Variants in SRGAP3 observed in about 807,000 individuals in gnomAD.
SRGAP3 encodes SLIT-ROBO Rho GTPase activating protein 3, also known as SLIT-ROBO Rho GTPase-activating protein 3.
A neutral mutation model predicts 121.1 loss-of-function variants in SRGAP3; 39 were observed. That is an observed-to-expected ratio of 0.32 (90% CI 0.25 to 0.42). The LOEUF is 0.42. SRGAP3 is among the 10% of genes least tolerant of loss of function. SRGAP3 has a pLI of 1.00. For missense variants in SRGAP3, 1,213 were observed against 1,470.6 expected (o/e 0.82, Z 2.86); for synonymous variants, 601 against 570.0 (o/e 1.05, Z -0.77).
chr3:9,079,876 T>C, intron 4 of SRGAP3, 149 bp downstream of exon 4: 1 of 731,670 alleles, frequency 1.4e-6, no homozygotes, highest in Non-Finnish European at 2.3e-6. Context: ...AGTCATTACA[T>C]CCTGACACGA....
At chr3:9,125,044 G>T in intron 1 of SRGAP3, 127 bp from the exon 2 acceptor site, 1 of 1,081,624 alleles carries the variant, frequency 9.2e-7, no homozygotes, top group Non-Finnish European at 1.4e-6. Context: ...GAGCCTCTCT[G>T]AGCCCAGCCA....
rs1574956112 is a variant in SRGAP3 at position 9,037,937 on chromosome 3, C to T, written c.1436+126G>A. The T allele has an allele frequency of 9.3e-6, 12 of 1,297,136 alleles. No individual in the cohort carries two copies. The East Asian group carries it at 1.4e-4, about 15-fold the overall frequency. 80.4% of individuals were successfully genotyped at this position (1,297,136 alleles called of 1,614,324 possible). ...GTGCCTCACCTGGGCACACCCACAC[C>T]GGCCCTTGGGGACATTGGTGAAGAA... On this transcript the variant is annotated intron_variant, in intron 11 of 21. Coordinates refer to ENST00000383836, the MANE Select transcript of SRGAP3 (RefSeq NM_014850.4).
chr3:9,173,488 C>A (rs1199915269), intron 1 of SRGAP3, among the ~76,000 whole-genome samples: 3 of 152,190 alleles, frequency 2.0e-5, no homozygotes, highest in African/African-American at 7.2e-5. Flanking sequence ...GGAGAAATAG[C>A]TGAGCAAAGA....
At chr3:9,048,372 C>G (rs1339077870) in intron 9 of SRGAP3, among the ~76,000 whole-genome samples, 1 of 152,264 alleles carries the variant, frequency 6.6e-6, no homozygotes, top group African/African-American at 2.4e-5. Flanking sequence ...CTCCCCAGTG[C>G]CTAAAGCTGT....
intron 1 of SRGAP3, among the ~76,000 whole-genome samples, chr3:9,354,079 G>A (rs1328388246): frequency 6.6e-6 from 1 of 152,172 alleles, no homozygotes; most frequent in Non-Finnish European, 1.5e-5. Context: ...TAAATTTAAT[G>A]TAGAGGAACA....
chr3:9,198,896 C>T (rs1272503202), intron 1 of SRGAP3, among the ~76,000 whole-genome samples: 1 of 152,188 alleles, frequency 6.6e-6, no homozygotes, highest in East Asian at 1.9e-4. Context: ...AAACCCCAGC[C>T]TGTAGAAAGA....
rs775335054 is a variant in SRGAP3 at position 8,985,034 on chromosome 3, G to A, written c.*485C>T. Reference sequence around the variant, plus strand: ...CTAAGTTTCATAAAAAGAAAAAGGAGATACTATATACACTTAGTATGCGTG... The same window carrying A: ...CTAAGTTTCATAAAAAGAAAAAGGAAATACTATATACACTTAGTATGCGTG... On this transcript the variant is annotated 3_prime_UTR_variant, in exon 22 of 22. Transcript: ENST00000383836. This position sits in a 1 kb window ranked among gnomAD's most constrained non-coding sequence, Gnocchi z 5.1. 1 of 228,904 alleles carries A rather than the reference G, an allele frequency of 4.4e-6. No homozygotes were observed. Among genetic ancestry groups the A allele is most frequent in the African/African-American group, 2.2e-5 (1 of 44,802 alleles). The allele number at this position is 228,904 out of a possible 1,614,324, so 14.2% of individuals were successfully genotyped here.
intron 1 of SRGAP3, among the ~76,000 whole-genome samples, chr3:9,229,938 T>C (rs1953137162): frequency 6.6e-6 from 1 of 152,222 alleles, no homozygotes; most frequent in African/African-American, 2.4e-5. Flanking sequence ...GTGTCTATTC[T>C]GGCCTGAATG....
At chr3:9,267,995 G>C (rs1468569429) in intron 3 of SRGAP3, among the ~76,000 whole-genome samples, 1 of 152,162 alleles carries the variant, frequency 6.6e-6, no homozygotes, top group African/African-American at 2.4e-5. Context: ...GCCATGCTGG[G>C]GAGACCCCTG....
intron 3 of SRGAP3, among the ~76,000 whole-genome samples, chr3:9,092,192 C>A (rs1383511778): frequency 6.6e-6 from 1 of 151,956 alleles, no homozygotes; most frequent in Non-Finnish European, 1.5e-5. Context: ...TTCAGAACTG[C>A]TTTACGTAAC....
intron 1 of SRGAP3, among the ~76,000 whole-genome samples, chr3:9,200,357 T>C (rs1221160184): frequency 6.6e-6 from 1 of 152,230 alleles, no homozygotes; most frequent in Non-Finnish European, 1.5e-5. Flanking sequence ...TCACTCAATA[T>C]GTATTTGTTG....
chr3:9,195,423 G>T (rs1951886731), intron 1 of SRGAP3, among the ~76,000 whole-genome samples: 1 of 152,126 alleles, frequency 6.6e-6, no homozygotes, highest in African/African-American at 2.4e-5. Context: ...AGTGACTGAT[G>T]ACATGAGGAT....
At chr3:9,157,658 G>A (rs536952261) in intron 1 of SRGAP3, among the ~76,000 whole-genome samples, 1 of 152,168 alleles carries the variant, frequency 6.6e-6, no homozygotes. Flanking sequence ...TGTCCCCAGA[G>A]TCCCTACTCT....
intron 3 of SRGAP3, among the ~76,000 whole-genome samples, chr3:9,303,633 T>C (rs1955106564): frequency 6.6e-6 from 1 of 152,186 alleles, no homozygotes; most frequent in East Asian, 1.9e-4. Flanking sequence ...AAGCATTTTA[T>C]TTATATTAAT....
intron 3 of SRGAP3, among the ~76,000 whole-genome samples, chr3:9,311,823 G>A (rs1373899684): frequency 6.6e-6 from 1 of 152,070 alleles, no homozygotes; most frequent in Non-Finnish European, 1.5e-5. Context: ...TAGGGTCAGG[G>A]AGCACTCATG....
chr3:9,097,418 TGA>T (rs756596371), intron 3 of SRGAP3, among the ~76,000 whole-genome samples: 44 of 152,298 alleles, frequency 2.9e-4, no homozygotes, highest in Admixed American at 6.5e-4. Context: ...ATGACAAAAC[TGA>T]GAGAGTTTAA....
At chr3:9,302,522 A>T (rs1955078847) in intron 3 of SRGAP3, among the ~76,000 whole-genome samples, 1 of 152,222 alleles carries the variant, frequency 6.6e-6, no homozygotes, top group South Asian at 2.1e-4. Flanking sequence ...GGTAAGAGGC[A>T]AATGGGATTC....
chr3:9,278,273 G>A (rs1205669995), intron 3 of SRGAP3, among the ~76,000 whole-genome samples: 1 of 152,182 alleles, frequency 6.6e-6, no homozygotes, highest in Non-Finnish European at 1.5e-5. Flanking sequence ...CTACCTCCAA[G>A]ATATGCACGG....
chr3:9,132,846 A>AG (rs1949505915), intron 1 of SRGAP3, among the ~76,000 whole-genome samples: 1 of 107,814 alleles, frequency 9.3e-6, no homozygotes, highest in Non-Finnish European at 2.4e-5. Flanking sequence ...TAGGAAATAT[A>AG]GGGTTTTTTT....
Sources: gnomAD v4.1 joint callset for allele counts (sites outside exome capture counted in the v4.1 genomes callset) on GRCh38, gnomAD v4.1.1 for gene constraint, Gnocchi (gnomAD v3.1) non-coding constraint, MANE v1.5 for transcripts, NCBI Gene and HGNC (gene_info 2026-07-23, HGNC 2026-07-21) for gene names.